NCOA7: variants seen among roughly 807,000 people sequenced by gnomAD.
The protein encoded by NCOA7 is 140 kDa estrogen receptor-associated protein.
NCOA7 carries 45 observed loss-of-function variants against 104.3 expected under a neutral mutation model. The observed-to-expected ratio is 0.43, with a 90% CI of 0.34 to 0.55. NCOA7 has a LOEUF of 0.55. Among genes scored for constraint, NCOA7 ranks in the 20% least tolerant of loss-of-function variants. The pLI is 0.02. For synonymous variants in NCOA7, 398 were observed against 402.3 expected (o/e 0.99, Z 0.13); for missense variants, 1,041 against 1,119.7 (o/e 0.93, Z 1.00).
chr6:125,927,075 G>C (rs1788096795), intron 13 of NCOA7, among the ~76,000 whole-genome samples: 1 of 152,032 alleles, frequency 6.6e-6, no homozygotes, highest in South Asian at 2.1e-4. Context: ...TGATATTACG[G>C]GGTTATTTGT....
At chr6:125,788,842 A>G (rs74438493), upstream of NCOA7, among the ~76,000 whole-genome samples, 33 of 151,938 alleles carry the variant, frequency 2.2e-4, no homozygotes, top group Non-Finnish European at 4.4e-4. Flanking sequence ...GCGCCTGGCC[A>G]GAAGACTGAC....
At position 125,928,698 on chromosome 6, in the gene NCOA7, C is replaced by T; in HGVS notation, c.2756C>T (p.Thr919Ile). 2 of 1,613,134 alleles carry T rather than the reference C, an allele frequency of 1.2e-6. No homozygotes were observed. Among genetic ancestry groups the T allele is most frequent in the Non-Finnish European group, 1.7e-6 (2 of 1,179,786 alleles). Residue 919 changes from threonine (T) to isoleucine (I), a missense_variant, in exon 16 of 16, where the codon ACT becomes ATT. Coordinates refer to ENST00000392477, the MANE Select transcript of NCOA7 (RefSeq NM_181782.5). ...LYHGRSNSCS[T>I]FNNDILSKKE... ...CACGGACGAAGCAACTCTTGCAGCA[C>T]TTTCAATAATGATATTCTTTCCAAA...
At chr6:125,854,857 T>C (rs982931507) in intron 2 of NCOA7, among the ~76,000 whole-genome samples, 163 bp from the exon 3 acceptor site, 2 of 152,210 alleles carry the variant, frequency 1.3e-5, no homozygotes, top group African/African-American at 4.8e-5. Context: ...TTGTAAGTTA[T>C]TGGAAAAGAA....
At chr6:125,877,434 A>G (rs1783475614) in intron 4 of NCOA7, among the ~76,000 whole-genome samples, 2 of 152,214 alleles carry the variant, frequency 1.3e-5, no homozygotes, top group South Asian at 2.1e-4. Flanking sequence ...AGTGACATTC[A>G]TCAGAGTGAC....
At chr6:125,913,885 T>C (rs1033269387) in intron 10 of NCOA7, among the ~76,000 whole-genome samples, 6 of 152,102 alleles carry the variant, frequency 3.9e-5, no homozygotes, top group Non-Finnish European at 5.9e-5. Context: ...GAAGAAAATA[T>C]TGAAAAATGT....
chr6:125,799,846 A>T (rs1186178746), intron 1 of NCOA7, among the ~76,000 whole-genome samples: 1 of 152,162 alleles, frequency 6.6e-6, no homozygotes, highest in Non-Finnish European at 1.5e-5. Flanking sequence ...GGAAAATCGG[A>T]TGTTGTTGTG....
chr6:125,917,395 A>T (rs944771483), intron 11 of NCOA7, among the ~76,000 whole-genome samples: 2 of 152,100 alleles, frequency 1.3e-5, no homozygotes, highest in East Asian at 3.8e-4. Flanking sequence ...GTGAACCCAG[A>T]ATCCATCTCT....
chr6:125,830,451 G>T (rs1351925538), intron 2 of NCOA7, among the ~76,000 whole-genome samples: 1 of 152,178 alleles, frequency 6.6e-6, no homozygotes, highest in Non-Finnish European at 1.5e-5. Context: ...CACTTTGGAA[G>T]GCTGAGGTGG....
chr6:125,857,753 C>T (rs1229591310), intron 3 of NCOA7, among the ~76,000 whole-genome samples: 1 of 151,762 alleles, frequency 6.6e-6, no homozygotes, highest in Non-Finnish European at 1.5e-5. Flanking sequence ...CACTTATTAC[C>T]ACCTATTTTT....
chr6:125,837,415 C>T (rs1004862900), intron 2 of NCOA7, among the ~76,000 whole-genome samples: 1 of 152,116 alleles, frequency 6.6e-6, no homozygotes, highest in African/African-American at 2.4e-5. Context: ...ATTTACTTCA[C>T]CTTTCAGAAA....
chr6:125,868,176 T>C (rs1486855207), intron 3 of NCOA7, among the ~76,000 whole-genome samples: 3 of 152,236 alleles, frequency 2.0e-5, no homozygotes, highest in Admixed American at 6.5e-5. Context: ...ATTCGTCAAA[T>C]GCTTTTTTAG....
intron 1 of NCOA7, among the ~76,000 whole-genome samples, chr6:125,793,509 C>T (rs949825910): frequency 6.6e-6 from 1 of 152,182 alleles, no homozygotes; most frequent in African/African-American, 2.4e-5. Context: ...ACCAAATGCG[C>T]AGTGCCTCTG....
chr6:125,830,649 G>A (rs1249193228), intron 2 of NCOA7, among the ~76,000 whole-genome samples: 1 of 152,012 alleles, frequency 6.6e-6, no homozygotes, highest in Non-Finnish European at 1.5e-5. Context: ...CAAGGCTGCA[G>A]TGAGCTTTAA....
chr6:125,901,552 G>A (rs2128671584), intron 10 of NCOA7, among the ~76,000 whole-genome samples: 1 of 152,312 alleles, frequency 6.6e-6, no homozygotes, highest in South Asian at 2.1e-4. Context: ...TGGGGCGGGT[G>A]CCTTTGGGCA....
chr6:125,890,575 A>G, intron 9 of NCOA7, 67 bp from the exon 10 acceptor site: 1 of 1,454,408 alleles, frequency 6.9e-7, no homozygotes, highest in Admixed American at 2.2e-5. Flanking sequence ...ATTTTTTTTA[A>G]GTTGAAAAAT....
rs1782272444 is a variant in NCOA7, at chr6:125,864,368, A to G, written c.271+9128A>G. ...CACCTACATGCATATAAAAAGAGGTATAGAGAATTTCTAGAAGTGTATTCA... is the reference window on the plus strand; with the variant it reads ...CACCTACATGCATATAAAAAGAGGTGTAGAGAATTTCTAGAAGTGTATTCA... On this transcript the variant is annotated intron_variant, in intron 3 of 15. Transcript: ENST00000392477. 1.4e-5 allele frequency among the ~76,000 whole-genome samples: 2 copies of G among 138,162 alleles called. 1 individual carries two copies. Among genetic ancestry groups the G allele is most frequent in the Non-Finnish European group, 3.1e-5 (2 of 64,976 alleles). 90.6% of individuals were successfully genotyped at this position (138,162 alleles called of 152,430 possible).
chr6:125,894,304 C>A (rs924813667), intron 10 of NCOA7, among the ~76,000 whole-genome samples: 1 of 152,130 alleles, frequency 6.6e-6, no homozygotes, highest in Non-Finnish European at 1.5e-5. Context: ...GACAAAATCA[C>A]TTCACATTGA....
rs1434501616 is a variant in NCOA7, at chr6:125,855,043, A to G, written c.74A>G (p.Lys25Arg). The change falls in exon 3 of 16, where the codon AAA (lysine) becomes AGA (arginine). Residue 25 changes from lysine to arginine, a missense_variant. Physicochemically the swap from Lys to Arg is conservative, Grantham distance 26 (BLOSUM62 2). Around this residue, in one of 2 missense-constraint regions of NCOA7, gnomAD observed 914 missense variants for 942.7 expected, o/e 0.97. Coordinates refer to ENST00000392477, the MANE Select transcript of NCOA7 (RefSeq NM_181782.5). ...FARLKKKKQA[K>R]QNAETASAVA... ...AGACTGAAAAAGAAAAAACAAGCCA[A>G]ACAAAATGCAGAGACAGCCTCAGCT... 6.2e-7 allele frequency: 1 copy of G among 1,606,820 alleles called. No individual in the cohort carries two copies. The highest frequency in any genetic ancestry group is 1.7e-5 in the Admixed American group (1 of 58,866).
chr6:125,864,143 A>T (rs746359887), intron 3 of NCOA7, among the ~76,000 whole-genome samples: 1 of 137,842 alleles, frequency 7.3e-6, no homozygotes, highest in Admixed American at 6.9e-5. Flanking sequence ...ATTTAACTGC[A>T]GTAACTATCA....
Sources: allele counts gnomAD v4.1 joint callset (sites outside exome capture counted in the v4.1 genomes callset), GRCh38; gene constraint gnomAD v4.1.1; regional missense constraint gnomAD v4.1.1; transcripts MANE v1.5; gene names NCBI Gene and HGNC (gene_info 2026-07-23, HGNC 2026-07-21).